TEK: variants seen among roughly 807,000 people sequenced by gnomAD.
TEK encodes angiopoietin-1 receptor.
Under a neutral mutation model 131.8 loss-of-function variants are expected in TEK, and 43 were observed. That is an observed-to-expected ratio of 0.33 (90% CI 0.26 to 0.42). The LOEUF is 0.42. Among genes scored for constraint, TEK ranks in the 10% least tolerant of loss-of-function variants. TEK has a pLI of 1.00. For missense variants in TEK, 1,162 were observed against 1,384.4 expected (o/e 0.84, Z 2.55); for synonymous variants, 580 against 491.6 (o/e 1.18, Z -2.38).
intron 1 of TEK, among the ~76,000 whole-genome samples, chr9:27,140,624 T>C (rs1197056618): frequency 6.6e-6 from 1 of 152,020 alleles, no homozygotes; most frequent in Non-Finnish European, 1.5e-5. Flanking sequence ...ACATATATCT[T>C]ATATATGTCT....
intron 18 of TEK, among the ~76,000 whole-genome samples, chr9:27,214,223 A>G (rs1426807608): frequency 6.6e-6 from 1 of 152,246 alleles, no homozygotes; most frequent in African/African-American, 2.4e-5. Context: ...CCAGTCTAGA[A>G]TCACATAGTC....
At chr9:27,192,001 G>T (rs776400609) in intron 10 of TEK, 2 of 452,034 alleles carry the variant, frequency 4.4e-6, no homozygotes, top group Non-Finnish European at 8.9e-6. Context: ...TTTGTTTATG[G>T]GTGCTATTTT....
chr9:27,160,439 G>A (rs1823507222), intron 2 of TEK, among the ~76,000 whole-genome samples: 1 of 152,140 alleles, frequency 6.6e-6, no homozygotes, highest in Non-Finnish European at 1.5e-5. Flanking sequence ...GCTTTTTAAA[G>A]TTGAACATGC....
intron 1 of TEK, among the ~76,000 whole-genome samples, chr9:27,121,992 C>A (rs1287397748): frequency 6.6e-6 from 1 of 152,198 alleles, no homozygotes; most frequent in Non-Finnish European, 1.5e-5. Context: ...TTGTTTCTCC[C>A]AGGAAACCTG....
At chr9:27,154,063 T>C (rs967802914) in intron 1 of TEK, among the ~76,000 whole-genome samples, 3 of 152,184 alleles carry the variant, frequency 2.0e-5, no homozygotes, top group African/African-American at 4.8e-5. Context: ...GGAGTAGATA[T>C]AGGGCTGAAG....
chr9:27,220,944 C>T (rs905933319), intron 21 of TEK, among the ~76,000 whole-genome samples: 3 of 152,202 alleles, frequency 2.0e-5, no homozygotes, highest in African/African-American at 7.2e-5. Flanking sequence ...ATTCACTCCC[C>T]TGGAAAGGGG....
chr9:27,184,279 A>T (rs367717350), intron 8 of TEK, among the ~76,000 whole-genome samples: 1 of 152,350 alleles, frequency 6.6e-6, no homozygotes, highest in East Asian at 1.9e-4. Flanking sequence ...CTTTTCGAAC[A>T]TGCTTTCCTT....
At chr9:27,146,947 T>C (rs974549619) in intron 1 of TEK, among the ~76,000 whole-genome samples, 2 of 152,078 alleles carry the variant, frequency 1.3e-5, no homozygotes, top group Non-Finnish European at 2.9e-5. Flanking sequence ...GCCAGGATGG[T>C]CTTGATCTCC....
chr9:27,226,876 T>A (rs1288800473), intron 21 of TEK, among the ~76,000 whole-genome samples: 1 of 152,134 alleles, frequency 6.6e-6, no homozygotes, highest in Non-Finnish European at 1.5e-5. Flanking sequence ...CTGGCATGTT[T>A]GAAGACTGCA....
rs377599823 is a variant in TEK at position 27,115,173 on chromosome 9, C to T, written c.52+5531C>T. ...AGGGCTGTAAAAGTTTTTATTGGGT[C>T]CAATGATACAAAATGAAATAGCAAT... On this transcript the variant is annotated intron_variant, in intron 1 of 22. Coordinates refer to ENST00000380036, the MANE Select transcript of TEK (RefSeq NM_000459.5). Among the ~76,000 whole-genome samples, 21 of 151,984 alleles carry T rather than the reference C, an allele frequency of 1.4e-4. No homozygotes were observed. In the East Asian group the frequency reaches 1.9e-3, roughly 14 times the overall value.
In TEK at chr9:27,169,619, G is replaced by A. The variant is rs369561720; in HGVS notation, c.618G>A (p.Leu206=). The A allele has an allele frequency of 2.5e-5, 40 of 1,613,968 alleles. No individual in the cohort carries two copies. Among genetic ancestry groups the A allele is most frequent in the Non-Finnish European group, 3.1e-5 (37 of 1,179,954 alleles). Residue 206 remains leucine (L), a synonymous_variant, in exon 4 of 23, where the codon CTG becomes CTA. Coordinates refer to ENST00000380036, the MANE Select transcript of TEK (RefSeq NM_000459.5). ...GNLFTSAFTR[L]IVRRCEAQKW... ...TCTTCACCTCGGCCTTCACCAGGCT[G>A]ATAGTCCGGAGTAAGTGATGGAGAG...
At chr9:27,180,825 G>C (rs895209822) in intron 7 of TEK, among the ~76,000 whole-genome samples, 1 of 152,186 alleles carries the variant, frequency 6.6e-6, no homozygotes. Flanking sequence ...TCTTCAGCAG[G>C]AGTCAGCAAA....
At chr9:27,120,960 T>C (rs1821760268) in intron 1 of TEK, among the ~76,000 whole-genome samples, 1 of 152,236 alleles carries the variant, frequency 6.6e-6, no homozygotes, top group Non-Finnish European at 1.5e-5. Flanking sequence ...GACTATGAGC[T>C]GTGTTTGGCA....
chr9:27,150,846 T>A (rs1426490037), intron 1 of TEK, among the ~76,000 whole-genome samples: 3 of 152,164 alleles, frequency 2.0e-5, no homozygotes, highest in Non-Finnish European at 4.4e-5. Context: ...CATGTGTTAT[T>A]TGGCCTAGAT....
chr9:27,141,346 A>C (rs1822716050), intron 1 of TEK, among the ~76,000 whole-genome samples: 1 of 152,074 alleles, frequency 6.6e-6, no homozygotes, highest in South Asian at 2.1e-4. Flanking sequence ...GTTTTTCAAA[A>C]GTGTTATTTA....
chr9:27,139,523 C>G (rs1822640929), intron 1 of TEK, among the ~76,000 whole-genome samples: 2 of 151,570 alleles, frequency 1.3e-5, no homozygotes, highest in South Asian at 2.1e-4. Context: ...CGGGGTTTCA[C>G]CATGTTGCCA....
chr9:27,206,437 T>C lies in TEK; in HGVS notation c.2365-145T>C, dbSNP rs1262829765. The C allele has an allele frequency of 5.1e-6, 5 of 975,672 alleles. No individual in the cohort carries two copies. The African/African-American group carries it at 6.5e-5, about 13-fold the overall frequency. The allele number at this position is 975,672 out of a possible 1,614,324, so 60.4% of individuals were successfully genotyped here. A position where few individuals can be genotyped will look rare whatever the true frequency, so the allele number is the denominator to read the frequency against. On this transcript the variant is annotated intron_variant, in intron 14 of 22. Coordinates refer to ENST00000380036, the MANE Select transcript of TEK (RefSeq NM_000459.5). ...GCTGGTTTATCAGGGCAGTCCTGTG[T>C]GATGAAAACCTATTTCCCTTTCCAG...
intron 21 of TEK, 137 bp downstream of exon 21, chr9:27,220,282 C>T (rs562315031): frequency 1.6e-5 from 12 of 744,398 alleles, no homozygotes; most frequent in Non-Finnish European, 2.4e-5. Flanking sequence ...ATAGGAACCC[C>T]TCCCCTTTTA....
At chr9:27,137,476 A>C (rs1822510126) in intron 1 of TEK, among the ~76,000 whole-genome samples, 1 of 152,140 alleles carries the variant, frequency 6.6e-6, no homozygotes, top group African/African-American at 2.4e-5. Context: ...TAGATACCTA[A>C]TTTAAAACAA....
Sources: allele counts gnomAD v4.1 joint callset (sites outside exome capture counted in the v4.1 genomes callset), GRCh38; gene constraint gnomAD v4.1.1; transcripts MANE v1.5; gene names NCBI Gene and HGNC (gene_info 2026-07-23, HGNC 2026-07-21).